The following GRIN2A variants were observed in gnomAD, a reference collection of about 807,000 sequenced individuals.
The protein encoded by GRIN2A is glutamate receptor ionotropic, NMDA 2A.
Under a neutral mutation model 113.4 loss-of-function variants are expected in GRIN2A, and 22 were observed. That is an observed-to-expected ratio of 0.19 (90% confidence interval 0.14 to 0.28). The LOEUF is 0.28. GRIN2A is among the 10% of genes least tolerant of loss of function. GRIN2A has a pLI of 1.00. For synonymous variants in GRIN2A, 827 were observed against 738.4 expected, an observed-to-expected ratio of 1.12 and a Z score of -1.94; for missense variants, 1,502 against 1,887.0, an observed-to-expected ratio of 0.80 and a Z score of 3.78.
chr16:9,821,332 G>T (rs1000723109), intron 10 of GRIN2A, among the ~76,000 whole-genome samples: 3 of 151,958 alleles, frequency 2.0e-5, no homozygotes, highest in Non-Finnish European at 4.4e-5. Context: ...ATGCATTCCT[G>T]GGTCTACATC....
At chr16:9,928,191 C>T (rs2044506549) in intron 3 of GRIN2A, among the ~76,000 whole-genome samples, 1 of 152,156 alleles carries the variant, frequency 6.6e-6, no homozygotes, top group Non-Finnish European at 1.5e-5. Context: ...AGGCAGGCAG[C>T]ATCCACATGG....
intron 10 of GRIN2A, among the ~76,000 whole-genome samples, chr16:9,819,680 G>A (rs140065160): frequency 3.3e-5 from 5 of 151,534 alleles, no homozygotes; most frequent in African/African-American, 4.8e-5. Flanking sequence ...AAAATGACTT[G>A]TGGCTGGGTG....
At chr16:9,810,671 G>A (rs2042069616) in intron 10 of GRIN2A, among the ~76,000 whole-genome samples, 2 of 152,130 alleles carry the variant, frequency 1.3e-5, no homozygotes, top group African/African-American at 2.4e-5. Flanking sequence ...AATGGCCCTC[G>A]CTTAGAGCCT....
At chr16:9,798,237 C>T in intron 11 of GRIN2A, 40 bp downstream of exon 11, 1 of 1,555,880 alleles carries the variant, frequency 6.4e-7, no homozygotes, top group Non-Finnish European at 8.9e-7. Context: ...GTGTGAGGGT[C>T]TCAAGTCCCC....
Position 9,754,743 on chromosome 16 carries a change from A to G in GRIN2A, c.*8406T>C. On this transcript the variant is annotated 3_prime_UTR_variant, in exon 13 of 13. Transcript: ENST00000330684. ...TAAATAAGTCTTAGATGGCTAATGT[A>G]GAAACTTCGATTGAATTCAAAAGGC... 1 of 218,972 alleles carries G rather than the reference A, an allele frequency of 4.6e-6. No homozygotes were observed. Among genetic ancestry groups the G allele is most frequent in the Non-Finnish European group, 9.2e-6 (1 of 109,046 alleles). 13.6% of individuals were successfully genotyped at this position (218,972 alleles called of 1,614,324 possible).
intron 2 of GRIN2A, among the ~76,000 whole-genome samples, chr16:10,010,574 A>T (rs1220849532): frequency 6.6e-6 from 1 of 152,222 alleles, no homozygotes; most frequent in Non-Finnish European, 1.5e-5. Context: ...GGAACTGTTT[A>T]ATATACTTCA....
rs114194156 is a variant in GRIN2A at position 10,021,478 on chromosome 16, C to T, written c.415-82927G>A. On this transcript the variant is annotated intron_variant, in intron 2 of 12. Coordinates refer to ENST00000330684, the MANE Select transcript of GRIN2A (RefSeq NM_001134407.3). ...AGTCTACCGCAGACTCCAAGCTCTTCGCCACTCAGTGAACTGTGATACATT... is the reference window on the plus strand; with the variant it reads ...AGTCTACCGCAGACTCCAAGCTCTTTGCCACTCAGTGAACTGTGATACATT... 3.7e-3 allele frequency among the ~76,000 whole-genome samples: 568 copies of T among 152,248 alleles called. 6 individuals carry two copies. Among genetic ancestry groups the T allele is most frequent in the African/African-American group, 0.013 (528 of 41,530 alleles).
chr16:9,840,869 C>G (rs2141344182), intron 6 of GRIN2A, 67 bp downstream of exon 6: 1 of 1,586,882 alleles, frequency 6.3e-7, no homozygotes, highest in South Asian at 1.1e-5. Context: ...ACTTTTCCTG[C>G]TAACATTCCT....
intron 10 of GRIN2A, among the ~76,000 whole-genome samples, chr16:9,812,086 A>G (rs1453269184): frequency 1.3e-5 from 2 of 152,190 alleles, no homozygotes; most frequent in Non-Finnish European, 2.9e-5. Context: ...AACGGCCTTA[A>G]TTGTGGAATA....
intron 2 of GRIN2A, among the ~76,000 whole-genome samples, chr16:10,005,072 A>G (rs1449991614): frequency 6.6e-6 from 1 of 152,244 alleles, no homozygotes; most frequent in Non-Finnish European, 1.5e-5. Flanking sequence ...GAATTTACAA[A>G]GTTTTGAGGC....
intron 2 of GRIN2A, among the ~76,000 whole-genome samples, chr16:10,178,192 C>A (rs983993418): frequency 1.3e-5 from 2 of 152,188 alleles, no homozygotes; most frequent in African/African-American, 4.8e-5. Flanking sequence ...GTTCTTCTCC[C>A]TCAATGCCTT....
chr16:10,029,946 G>T (rs1329735138), intron 2 of GRIN2A, among the ~76,000 whole-genome samples: 1 of 152,068 alleles, frequency 6.6e-6, no homozygotes, highest in Admixed American at 6.5e-5. Context: ...GCAGTGAGCT[G>T]AGATTGCACT....
intron 2 of GRIN2A, among the ~76,000 whole-genome samples, chr16:9,960,502 C>A (rs924232940): frequency 6.6e-6 from 1 of 152,194 alleles, no homozygotes; most frequent in African/African-American, 2.4e-5. Context: ...GAAAAATTAA[C>A]TGGAAAACGA....
intron 11 of GRIN2A, among the ~76,000 whole-genome samples, chr16:9,788,952 C>G (rs1173690918): frequency 6.6e-6 from 1 of 152,088 alleles, no homozygotes; most frequent in East Asian, 1.9e-4. Context: ...CCATATTGGC[C>G]AGGCTGGTCT....
intron 11 of GRIN2A, among the ~76,000 whole-genome samples, chr16:9,791,670 C>CA (rs1175848739): frequency 6.6e-6 from 1 of 152,012 alleles, no homozygotes; most frequent in Admixed American, 6.6e-5. Flanking sequence ...CGGCCCAGAG[C>CA]AATTTATGAG....
At chr16:10,112,208 A>G in intron 2 of GRIN2A, 2 of 596,030 alleles carry the variant, frequency 3.4e-6, no homozygotes, top group Non-Finnish European at 6.2e-6. Flanking sequence ...ACTCCTCCCA[A>G]GGGAACTCGG....
chr16:10,011,653 A>G (rs2046507859), intron 2 of GRIN2A, among the ~76,000 whole-genome samples: 1 of 152,290 alleles, frequency 6.6e-6, no homozygotes, highest in African/African-American at 2.4e-5. Flanking sequence ...CGCTTTTTGC[A>G]GAGCACCCTT....
chr16:10,053,634 G>A (rs575825135), intron 2 of GRIN2A, among the ~76,000 whole-genome samples: 6 of 152,328 alleles, frequency 3.9e-5, no homozygotes, highest in African/African-American at 1.4e-4. Flanking sequence ...GGAGAAAATG[G>A]AGCCAGGATT....
intron 2 of GRIN2A, among the ~76,000 whole-genome samples, chr16:10,123,544 C>T (rs1035796920): frequency 1.3e-5 from 2 of 152,244 alleles, no homozygotes; most frequent in African/African-American, 4.8e-5. Flanking sequence ...GAAAATGGCA[C>T]TTACTTTATA....
Sources: gnomAD v4.1 joint callset for allele counts (sites outside exome capture counted in the v4.1 genomes callset) on GRCh38, gnomAD v4.1.1 for gene constraint, MANE v1.5 for transcripts, NCBI Gene and HGNC (gene_info 2026-07-23, HGNC 2026-07-21) for gene names.